The following STAG1 variants were observed in gnomAD, a reference collection of about 807,000 sequenced individuals.
STAG1 encodes the protein cohesin subunit SA-1.
STAG1 carries 26 observed loss-of-function variants against 170.9 expected under a neutral mutation model. That is an observed-to-expected ratio of 0.15 (90% CI 0.11 to 0.21). The LOEUF is 0.21. Ranked by LOEUF, STAG1 falls within the 10% of genes least tolerant of loss-of-function variation. STAG1 has a pLI of 1.00. For missense variants in STAG1, 964 were observed against 1,509.5 expected (o/e 0.64, Z 5.99); for synonymous variants, 514 against 497.7 (o/e 1.03, Z -0.44).
At chr3:136,623,670 T>C (rs1170695363) in intron 2 of STAG1, among the ~76,000 whole-genome samples, 1 of 152,016 alleles carries the variant, frequency 6.6e-6, no homozygotes, top group East Asian at 1.9e-4. Context: ...TATTAAGACA[T>C]ACGGCCGGGC....
intron 5 of STAG1, among the ~76,000 whole-genome samples, chr3:136,559,774 G>A (rs1305821384): frequency 6.6e-6 from 1 of 152,152 alleles, no homozygotes; most frequent in Non-Finnish European, 1.5e-5. Context: ...CTATCTTTGA[G>A]AGGCTGAGTT....
At chr3:136,542,097 T>C (rs373376234) in intron 6 of STAG1, 22 bp downstream of exon 6, 9 of 1,560,180 alleles carry the variant, frequency 5.8e-6, no homozygotes, top group Non-Finnish European at 7.0e-6. Flanking sequence ...AAGCAATTTG[T>C]ATGAATATTG....
intron 16 of STAG1, among the ~76,000 whole-genome samples, chr3:136,428,489 C>T (rs2088199106): frequency 6.6e-6 from 1 of 152,120 alleles, no homozygotes; most frequent in African/African-American, 2.4e-5. Context: ...TCTACTTGCT[C>T]CTAAACACAG....
At chr3:136,614,784 T>C (rs1939497887) in intron 3 of STAG1, among the ~76,000 whole-genome samples, 1 of 151,334 alleles carries the variant, frequency 6.6e-6, no homozygotes, top group African/African-American at 2.4e-5. Flanking sequence ...CCTAGAAGTT[T>C]TAAGAAACAA....
chr3:136,338,017 A>G lies in STAG1; in HGVS notation c.*237T>C. On this transcript the variant is annotated 3_prime_UTR_variant, in exon 34 of 34. Transcript: ENST00000383202. ...CACACATCTGTATTGGGATAAGTCC[A>G]ATAGTAGGACACAAATGATTTTCAG... 1 of 510,966 alleles carries G rather than the reference A, an allele frequency of 2.0e-6. No individual in the cohort carries two copies. Among genetic ancestry groups the G allele is most frequent in the Non-Finnish European group, 3.5e-6 (1 of 287,436 alleles). The allele number at this position is 510,966 out of a possible 1,614,324, so 31.7% of individuals were successfully genotyped here.
In STAG1 at chr3:136,658,582, T is replaced by C. The variant is rs576948978; in HGVS notation, c.-83-27601A>G. Among the ~76,000 whole-genome samples the C allele has an allele frequency of 2.6e-5, 4 of 152,250 alleles. No individual in the cohort carries two copies. In the South Asian group the frequency reaches 8.3e-4, roughly 32 times the overall value. ...AGACCCTAAGTAGAAACAGCAGATA[T>C]GTAAAATAAGCTACATGCCTTAGTA... On this transcript the variant is annotated intron_variant, in intron 1 of 33. Coordinates refer to ENST00000383202, the MANE Select transcript of STAG1 (RefSeq NM_005862.3).
rs569881056 is a variant in STAG1, at chr3:136,547,038, A to T, written c.395-4843T>A. 1.1e-4 allele frequency among the ~76,000 whole-genome samples: 16 copies of T among 152,296 alleles called. 1 individual carries two copies. The South Asian group carries it at 3.3e-3, about 32-fold the overall frequency. Reference sequence around the variant, plus strand: ...TAGAATACCTATTTTTCATTTTACAAAACTTTTATGTATGTGAGGAAAAGA... The same window carrying T: ...TAGAATACCTATTTTTCATTTTACATAACTTTTATGTATGTGAGGAAAAGA... On this transcript the variant is annotated intron_variant, in intron 5 of 33. Coordinates refer to ENST00000383202, the MANE Select transcript of STAG1 (RefSeq NM_005862.3).
intron 21 of STAG1, among the ~76,000 whole-genome samples, chr3:136,399,911 C>A (rs1204351707): frequency 6.6e-6 from 1 of 152,062 alleles, no homozygotes; most frequent in African/African-American, 2.4e-5. Context: ...ATAAAACTTT[C>A]TGAAAAGAAA....
intron 20 of STAG1, among the ~76,000 whole-genome samples, chr3:136,418,436 C>T (rs1016234059): frequency 3.3e-5 from 4 of 120,152 alleles, no homozygotes; most frequent in African/African-American, 1.3e-4. Flanking sequence ...TGAAAAAGAT[C>T]CATAAAGGAA....
chr3:136,477,337 G>A lies in STAG1; in HGVS notation c.978C>T (p.Phe326=). The change falls in exon 10 of 34, where the codon TTC becomes TTT. Residue 326 remains phenylalanine, a synonymous_variant. Coordinates refer to ENST00000383202, the MANE Select transcript of STAG1 (RefSeq NM_005862.3). ...CATATTTTAGGTAACTGTCATTTAG[G>A]AAGGCATCACTATACATTTTCATCC... ...GVWMKMYSDA[F]LNDSYLKYVG... is the part of the protein sequence containing the mutation. 6.2e-7 allele frequency: 1 copy of A among 1,612,994 alleles called. No individual in the cohort carries two copies. Among genetic ancestry groups the A allele is most frequent in the Non-Finnish European group, 8.5e-7 (1 of 1,179,646 alleles).
At chr3:136,661,621 A>T (rs544553914) in intron 1 of STAG1, among the ~76,000 whole-genome samples, 1 of 152,206 alleles carries the variant, frequency 6.6e-6, no homozygotes, top group Non-Finnish European at 1.5e-5. Context: ...AACCCCCCCA[A>T]CCAAAAAAAA....
Position 136,728,158 on chromosome 3 carries a change from CA to C in STAG1, c.-84+24036del, listed in dbSNP as rs972760207. ...GGGCAACAAGTGCGAAAGCCCATTT[CA>C]AAAAAAAAATCAAAAACAAAAAAAC... On this transcript the variant is annotated intron_variant, in intron 1 of 33. Coordinates refer to ENST00000383202, the MANE Select transcript of STAG1 (RefSeq NM_005862.3). Among the ~76,000 whole-genome samples the C allele has an allele frequency of 5.6e-3, 818 of 145,926 alleles. 8 individuals are homozygous for C. Among genetic ancestry groups the C allele is most frequent in the African/African-American group, 0.019 (751 of 39,644 alleles).
intron 12 of STAG1, among the ~76,000 whole-genome samples, chr3:136,467,259 G>A (rs911698054): frequency 1.3e-5 from 2 of 152,030 alleles, no homozygotes; most frequent in Non-Finnish European, 1.5e-5. Flanking sequence ...GTATTCAGGA[G>A]ACCCATCTCA....
intron 1 of STAG1, among the ~76,000 whole-genome samples, chr3:136,669,181 T>C (rs113569791): frequency 1.9e-4 from 29 of 152,286 alleles, no homozygotes; most frequent in African/African-American, 2.9e-4. Flanking sequence ...GAACTTCCAA[T>C]TGAAAAAGGC....
At chr3:136,446,013 T>A (rs1047361440) in intron 14 of STAG1, among the ~76,000 whole-genome samples, 2 of 152,198 alleles carry the variant, frequency 1.3e-5, no homozygotes, top group African/African-American at 4.8e-5. Context: ...CTGAAAATAT[T>A]GCTGGCATTT....
In STAG1 at chr3:136,498,257, C is replaced by CACACACATACATATACAT. The variant is rs1559841901; in HGVS notation, c.902+1965_902+1966insATGTATATGTATGTGTGT. Reference sequence around the variant, plus strand: ...ATACACATACATATACATACACACACACACACACACACACACCACACACAC... The same window carrying CACACACATACATATACAT: ...ATACACATACATATACATACACACACACACACATACATATACATACACACACACACACACCACACACAC... On this transcript the variant is annotated intron_variant, in intron 9 of 33. Coordinates refer to ENST00000383202, the MANE Select transcript of STAG1 (RefSeq NM_005862.3). 9.9e-3 allele frequency among the ~76,000 whole-genome samples: 831 copies of CACACACATACATATACAT among 83,534 alleles called. 92 individuals carry two copies. Among genetic ancestry groups the CACACACATACATATACAT allele is most frequent in the African/African-American group, 0.049 (769 of 15,822 alleles). The allele number at this position is 83,534 out of a possible 152,430, so 54.8% of individuals were successfully genotyped here. A position where few individuals can be genotyped will look rare whatever the true frequency, so the allele number is the denominator to read the frequency against.
chr3:136,605,278 C>A (rs1938878464), intron 3 of STAG1, among the ~76,000 whole-genome samples: 1 of 152,118 alleles, frequency 6.6e-6, no homozygotes, highest in Non-Finnish European at 1.5e-5. Context: ...ACCATCCCCT[C>A]CCCCCAACTT....
At chr3:136,708,938 G>A (rs1444503834) in intron 1 of STAG1, among the ~76,000 whole-genome samples, 1 of 145,104 alleles carries the variant, frequency 6.9e-6, no homozygotes, top group Non-Finnish European at 1.5e-5. Flanking sequence ...CCAAGTAGTT[G>A]GACCACAGGC....
At chr3:136,373,455 A>G (rs1352974845) in intron 23 of STAG1, among the ~76,000 whole-genome samples, 1 of 151,996 alleles carries the variant, frequency 6.6e-6, no homozygotes, top group African/African-American at 2.4e-5. Context: ...TGTCAATTTT[A>G]GATCTTTCCG....
Sources: gnomAD v4.1 joint callset for allele counts (sites outside exome capture counted in the v4.1 genomes callset) on GRCh38, gnomAD v4.1.1 for gene constraint, MANE v1.5 for transcripts, NCBI Gene and HGNC (gene_info 2026-07-23, HGNC 2026-07-21) for gene names.